GFOD1: variants seen among roughly 807,000 people sequenced by gnomAD.
GFOD1 encodes glucose-fructose oxidoreductase domain-containing protein 1.
GFOD1 carries 9 observed loss-of-function variants against 25.4 expected under a neutral mutation model. The ratio of observed to expected loss-of-function variants is 0.35; its 90% CI spans 0.21 to 0.62. GFOD1 has a LOEUF of 0.62. Ranked by LOEUF, GFOD1 falls within the 20% of genes least tolerant of loss-of-function variation. The pLI is 0.72. For synonymous variants in GFOD1, 253 were observed against 245.6 expected (o/e 1.03, Z -0.28); for missense variants, 403 against 556.9 (o/e 0.72, Z 2.78).
chr6:13,390,866 G>A (rs1001381795), intron 1 of GFOD1, among the ~76,000 whole-genome samples: 1 of 151,708 alleles, frequency 6.6e-6, no homozygotes, highest in Non-Finnish European at 1.5e-5. Flanking sequence ...TGTTATGAGG[G>A]CTGCATGAGG....
At chr6:13,443,869 A>G (rs1757958036) in intron 1 of GFOD1, among the ~76,000 whole-genome samples, 1 of 151,060 alleles carries the variant, frequency 6.6e-6, no homozygotes, top group Non-Finnish European at 1.5e-5. Flanking sequence ...TTCAGCAACC[A>G]GCACCCTAAC....
chr6:13,484,578 G>T (rs374271751), intron 1 of GFOD1, among the ~76,000 whole-genome samples: 19 of 152,258 alleles, frequency 1.2e-4, no homozygotes, highest in African/African-American at 4.1e-4. Flanking sequence ...ACTAAACTAG[G>T]TCTATTATGC....
intron 1 of GFOD1, among the ~76,000 whole-genome samples, chr6:13,390,138 C>T (rs1785558286): frequency 6.6e-6 from 1 of 152,156 alleles, no homozygotes; most frequent in Non-Finnish European, 1.5e-5. Flanking sequence ...GCTGCCTGAG[C>T]CAGTTATGAC....
At chr6:13,372,294 C>T (rs1442753806) in intron 1 of GFOD1, among the ~76,000 whole-genome samples, 1 of 152,208 alleles carries the variant, frequency 6.6e-6, no homozygotes, top group African/African-American at 2.4e-5. Flanking sequence ...AGAAGCTTTA[C>T]TGCCCTCCTG....
chr6:13,364,787 T>C lies in GFOD1; in HGVS notation c.1129A>G (p.Ile377Val). The C allele has an allele frequency of 1.2e-6, 2 of 1,613,788 alleles. No individual in the cohort carries two copies. The highest frequency in any genetic ancestry group is 1.7e-6 in the Non-Finnish European group (2 of 1,179,978). ...CTGCTGCGGCGCATGGCCTCGCTGA[T>C]CAGGTAGGCGGGGCTCAGCTCCGGC... ...EEPELSPAYL[I>V]SEAMRRSRMS... is the part of the protein sequence containing the mutation. Residue 377 changes from isoleucine to valine, a missense_variant, in exon 2 of 2, where the codon ATC becomes GTC. Ile to Val is a conservative substitution (Grantham distance 29). Transcript: ENST00000379287. This position sits in a 1 kb window ranked among gnomAD's most constrained non-coding sequence, Gnocchi z 4.1.
At position 13,360,653 on chromosome 6, in the gene GFOD1, G is replaced by C. The variant is rs769034388; in HGVS notation, c.*4090C>G. On this transcript the variant is annotated 3_prime_UTR_variant, in exon 2 of 2. Coordinates refer to ENST00000379287, the MANE Select transcript of GFOD1 (RefSeq NM_018988.4). ...AAGGCTGAGTGATATTTCCATTTTG[G>C]AATGGGAAGAAACACTGGCTACTTC... 2 of 446,768 alleles carry C rather than the reference G, an allele frequency of 4.5e-6. No individual in the cohort carries two copies. Among genetic ancestry groups the C allele is most frequent in the Non-Finnish European group, 9.1e-6 (2 of 218,936 alleles). 27.7% of individuals were successfully genotyped at this position (446,768 alleles called of 1,614,324 possible). A position where few individuals can be genotyped will look rare whatever the true frequency, so the allele number is the denominator to read the frequency against.
intron 1 of GFOD1, among the ~76,000 whole-genome samples, chr6:13,467,023 C>T (rs1176008668): frequency 2.6e-5 from 4 of 151,966 alleles, no homozygotes; most frequent in African/African-American, 9.7e-5. Context: ...TGCTACTTTG[C>T]CCTGGAATAC....
At chr6:13,419,366 G>A (rs1469884471) in intron 1 of GFOD1, among the ~76,000 whole-genome samples, 1 of 152,214 alleles carries the variant, frequency 6.6e-6, no homozygotes, top group Non-Finnish European at 1.5e-5. Context: ...AGGGATGAGT[G>A]AAAGCAAATG....
intron 1 of GFOD1, among the ~76,000 whole-genome samples, chr6:13,434,827 C>T (rs1249342100): frequency 6.6e-6 from 1 of 152,174 alleles, no homozygotes; most frequent in Non-Finnish European, 1.5e-5. Flanking sequence ...AGCAGAAGAA[C>T]CAAAAACAGC....
chr6:13,409,644 G>A (rs959921240), intron 1 of GFOD1, among the ~76,000 whole-genome samples: 10 of 152,200 alleles, frequency 6.6e-5, no homozygotes, highest in East Asian at 3.9e-4. Flanking sequence ...AATTGCAGCC[G>A]GGCACGGTGG....
intron 1 of GFOD1, among the ~76,000 whole-genome samples, chr6:13,410,554 C>G (rs1584635927): frequency 8.2e-6 from 1 of 122,316 alleles, no homozygotes; most frequent in East Asian, 2.5e-4. Context: ...GCAACAAGAG[C>G]AAAACTCTGT....
intron 1 of GFOD1, among the ~76,000 whole-genome samples, chr6:13,381,279 C>T (rs964870093): frequency 5.3e-5 from 8 of 152,240 alleles, no homozygotes; most frequent in African/African-American, 1.9e-4. Context: ...GCCCCAGCAA[C>T]ACTCATTCAA....
At chr6:13,447,396 C>T (rs1044435540) in intron 1 of GFOD1, among the ~76,000 whole-genome samples, 1 of 152,118 alleles carries the variant, frequency 6.6e-6, no homozygotes, top group African/African-American at 2.4e-5. Context: ...TATCAGGGCC[C>T]ATCCTAGTGA....
At chr6:13,425,817 G>C (rs905183032) in intron 1 of GFOD1, among the ~76,000 whole-genome samples, 3 of 139,846 alleles carry the variant, frequency 2.1e-5, no homozygotes, top group African/African-American at 8.1e-5. Context: ...ATTGGAAGAA[G>C]AAAAAATTGT....
chr6:13,366,502 AT>A (rs1288506859), intron 1 of GFOD1, among the ~76,000 whole-genome samples: 3 of 151,988 alleles, frequency 2.0e-5, no homozygotes, highest in Non-Finnish European at 4.4e-5. Context: ...TGCCCAGCTA[AT>A]TTTTGTATTT....
intron 1 of GFOD1, among the ~76,000 whole-genome samples, chr6:13,442,323 C>T (rs773956096): frequency 6.6e-6 from 1 of 152,166 alleles, no homozygotes; most frequent in Non-Finnish European, 1.5e-5. Context: ...TGCGACCCTG[C>T]GTCAAACAAG....
rs1383033715 is a variant in GFOD1, at chr6:13,430,685, C to T, written c.253+55953G>A. 1.3e-5 allele frequency among the ~76,000 whole-genome samples: 2 copies of T among 151,904 alleles called. No individual in the cohort carries two copies. The highest frequency in any genetic ancestry group is 1.3e-4 in the Admixed American group (2 of 15,252). On this transcript the variant is annotated intron_variant, in intron 1 of 1. Transcript: ENST00000379287. This position sits in a 1 kb window ranked among gnomAD's most constrained non-coding sequence, Gnocchi z 4.1. ...ACCTATGGCAGGAGTAGTGGGACAG[C>T]GGGTAGGGAAAAGTATCCTTGTGGC...
At chr6:13,390,710 T>G (rs1157916527) in intron 1 of GFOD1, among the ~76,000 whole-genome samples, 3 of 112,338 alleles carry the variant, frequency 2.7e-5, no homozygotes, top group East Asian at 2.7e-4. Flanking sequence ...CTGGTGACAG[T>G]GAGACCCTGT....
chr6:13,396,438 AC>A (rs1454705871), intron 1 of GFOD1, among the ~76,000 whole-genome samples: 2 of 152,188 alleles, frequency 1.3e-5, no homozygotes, highest in East Asian at 3.8e-4. Flanking sequence ...TAGCATCATC[AC>A]CTACAGGGCA....
Sources: gnomAD v4.1 joint callset for allele counts (sites outside exome capture counted in the v4.1 genomes callset) on GRCh38, gnomAD v4.1.1 for gene constraint, Gnocchi (gnomAD v3.1) non-coding constraint, MANE v1.5 for transcripts, NCBI Gene and HGNC (gene_info 2026-07-23, HGNC 2026-07-21) for gene names.